Variants in DOK6 observed in about 807,000 individuals in gnomAD.
DOK6 encodes docking protein 6.
Under a neutral mutation model 44.0 loss-of-function variants are expected in DOK6, and 22 were observed. The ratio of observed to expected loss-of-function variants is 0.50; its 90% confidence interval spans 0.36 to 0.71. DOK6 has a LOEUF of 0.71. Ranked by LOEUF, DOK6 falls within the 30% of genes least tolerant of loss-of-function variation. The pLI is 0.00. For missense variants in DOK6, 340 were observed against 416.4 expected, an observed-to-expected ratio of 0.82 and a Z score of 1.60; for synonymous variants, 166 against 145.5, an observed-to-expected ratio of 1.14 and a Z score of -1.01.
At chr18:69,753,005 G>A (rs1379313447) in intron 6 of DOK6, among the ~76,000 whole-genome samples, 1 of 152,136 alleles carries the variant, frequency 6.6e-6, no homozygotes, top group Admixed American at 6.5e-5. Context: ...TCTGCCTGGA[G>A]GCTGTTTGCT....
chr18:69,749,973 G>A (rs554765564), intron 6 of DOK6, among the ~76,000 whole-genome samples: 13 of 149,318 alleles, frequency 8.7e-5, no homozygotes, highest in South Asian at 6.3e-4. Flanking sequence ...GTCAAATACC[G>A]GGTAAAATGA....
At chr18:69,803,836 G>T (rs2145108689) in intron 7 of DOK6, among the ~76,000 whole-genome samples, 1 of 152,192 alleles carries the variant, frequency 6.6e-6, no homozygotes, top group South Asian at 2.1e-4. Context: ...TCCAGCCTGG[G>T]CACAGAGCAA....
intron 7 of DOK6, among the ~76,000 whole-genome samples, chr18:69,839,538 A>G (rs1982152295): frequency 6.6e-6 from 1 of 152,116 alleles, no homozygotes; most frequent in Non-Finnish European, 1.5e-5. Context: ...TTCCTTCACT[A>G]TATCATCAGG....
intron 4 of DOK6, among the ~76,000 whole-genome samples, chr18:69,679,797 A>C (rs1348673909): frequency 1.3e-5 from 2 of 152,206 alleles, no homozygotes; most frequent in African/African-American, 4.8e-5. Flanking sequence ...GTTTATCATA[A>C]TTTTATTTCT....
chr18:69,409,992 A>G (rs1202325955), intron 1 of DOK6, among the ~76,000 whole-genome samples: 1 of 151,736 alleles, frequency 6.6e-6, no homozygotes, highest in African/African-American at 2.4e-5. Flanking sequence ...ACTTCACCAC[A>G]TATTTGGAAT....
chr18:69,817,477 C>G (rs1981434654), intron 7 of DOK6, among the ~76,000 whole-genome samples: 1 of 152,116 alleles, frequency 6.6e-6, no homozygotes, highest in Non-Finnish European at 1.5e-5. Context: ...GTTCTGAAAG[C>G]TGAAAGTCTG....
At position 69,429,380 on chromosome 18, in the gene DOK6, T is replaced by C. The variant is rs983191810; in HGVS notation, c.66+28070T>C. On this transcript the variant is annotated intron_variant, in intron 1 of 7. Coordinates refer to ENST00000382713, the MANE Select transcript of DOK6 (RefSeq NM_152721.6). ...TAAAATGATTTAATTTACTAAATGT[T>C]AAGATGATCTAAAATTCCAGAATTT... Among the ~76,000 whole-genome samples the C allele has an allele frequency of 7.9e-5, 12 of 152,022 alleles. No homozygotes were observed. In the East Asian group the frequency reaches 2.1e-3, roughly 27 times the overall value.
At chr18:69,426,079 T>A (rs1393221024) in intron 1 of DOK6, among the ~76,000 whole-genome samples, 3 of 152,124 alleles carry the variant, frequency 2.0e-5, no homozygotes, top group Non-Finnish European at 4.4e-5. Context: ...TTTTTTCGTA[T>A]GTGTAGCTAG....
chr18:69,589,916 A>T (rs1983586723), intron 2 of DOK6, among the ~76,000 whole-genome samples: 1 of 152,126 alleles, frequency 6.6e-6, no homozygotes, highest in Middle Eastern at 3.2e-3. Flanking sequence ...GAACAGGTAA[A>T]ATCTTATTAA....
intron 5 of DOK6, among the ~76,000 whole-genome samples, chr18:69,708,065 G>A (rs1297521154): frequency 6.6e-6 from 1 of 152,124 alleles, no homozygotes; most frequent in East Asian, 1.9e-4. Flanking sequence ...TGGGCAGAGA[G>A]TTTGTTAAAA....
intron 3 of DOK6, among the ~76,000 whole-genome samples, chr18:69,620,355 T>C (rs1984411763): frequency 1.3e-5 from 2 of 152,216 alleles, no homozygotes; most frequent in African/African-American, 2.4e-5. Context: ...TTATATCATT[T>C]CACAATTACA....
chr18:69,668,194 T>C (rs1455520685), intron 3 of DOK6, among the ~76,000 whole-genome samples: 1 of 152,118 alleles, frequency 6.6e-6, no homozygotes. Flanking sequence ...CATTCCCCAC[T>C]CCACTGCTAT....
intron 7 of DOK6, among the ~76,000 whole-genome samples, chr18:69,801,100 T>C (rs1437366160): frequency 1.7e-4 from 5 of 30,290 alleles, no homozygotes; most frequent in Non-Finnish European, 6.9e-4. Context: ...TTTTGTTTTG[T>C]TTTGTTTTGT....
intron 3 of DOK6, among the ~76,000 whole-genome samples, chr18:69,670,379 C>T (rs1366768142): frequency 6.6e-6 from 1 of 152,066 alleles, no homozygotes; most frequent in Non-Finnish European, 1.5e-5. Flanking sequence ...AGAAGAGTTG[C>T]ACAGAAAGCA....
intron 1 of DOK6, among the ~76,000 whole-genome samples, chr18:69,477,796 A>C (rs1437509402): frequency 6.6e-6 from 1 of 152,194 alleles, no homozygotes; most frequent in Non-Finnish European, 1.5e-5. Flanking sequence ...AGATAACCTT[A>C]CATATTAGCA....
Position 69,598,717 on chromosome 18 carries a change from G to T in DOK6, c.175-667G>T, listed in dbSNP as rs372756312. On this transcript the variant is annotated intron_variant, in intron 2 of 7. Coordinates refer to ENST00000382713, the MANE Select transcript of DOK6 (RefSeq NM_152721.6). ...TAAAGATGCACAAATTGTAGCAGAA[G>T]ATCTTGTACCAATAAGGAGTCAACA... Among the ~76,000 whole-genome samples the T allele has an allele frequency of 1.0e-3, 159 of 152,140 alleles. 1 individual carries two copies. In the South Asian group the frequency reaches 0.032, roughly 30 times the overall value.
chr18:69,734,616 G>C (rs192055078), intron 5 of DOK6, among the ~76,000 whole-genome samples: 1 of 152,142 alleles, frequency 6.6e-6, no homozygotes, highest in African/African-American at 2.4e-5. Context: ...CCATTACTGA[G>C]AGTTTAAAAT....
At chr18:69,796,952 A>T (rs972502710) in intron 7 of DOK6, among the ~76,000 whole-genome samples, 3 of 152,176 alleles carry the variant, frequency 2.0e-5, no homozygotes, top group African/African-American at 7.2e-5. Context: ...AAGATTCTTG[A>T]AAAGAGCTTA....
chr18:69,685,578 C>T (rs1354664343), intron 4 of DOK6, among the ~76,000 whole-genome samples: 4 of 152,178 alleles, frequency 2.6e-5, no homozygotes, highest in South Asian at 2.1e-4. Context: ...GAATTCTGGG[C>T]TCACCCACAC....
Sources: gnomAD v4.1 joint callset for allele counts (sites outside exome capture counted in the v4.1 genomes callset) on GRCh38, gnomAD v4.1.1 for gene constraint, MANE v1.5 for transcripts, NCBI Gene and HGNC (gene_info 2026-07-23, HGNC 2026-07-21) for gene names.